Variants in PTPRR observed in about 807,000 individuals in gnomAD.
PTPRR encodes the protein receptor-type tyrosine-protein phosphatase R.
Under a neutral mutation model 77.2 loss-of-function variants are expected in PTPRR, and 38 were observed. That is an observed-to-expected ratio of 0.49 (90% confidence interval 0.38 to 0.65). PTPRR has a LOEUF of 0.65. PTPRR is among the 30% of genes least tolerant of loss of function. The pLI is 0.00. For missense variants in PTPRR, 744 were observed against 799.2 expected (o/e 0.93, Z 0.83); for synonymous variants, 299 against 283.1 (o/e 1.06, Z -0.57).
intron 4 of PTPRR, chr12:70,754,894 CAT>C (rs1173877748): frequency 1.8e-6 from 1 of 569,908 alleles, no homozygotes; most frequent in Non-Finnish European, 2.7e-6. Context: ...TAGAATATCA[CAT>C]ATTTTTCTAA....
chr12:70,682,034 CTTTTTTTTTTT>C (rs578204454), intron 10 of PTPRR, among the ~76,000 whole-genome samples: 2 of 62,722 alleles, frequency 3.2e-5, no homozygotes, highest in South Asian at 7.8e-4. Flanking sequence ...TTGTTGTTCA[CTTTTTTTTTTT>C]TTTTTTTTTT....
At chr12:70,643,666 G>C (rs1283207585) in intron 13 of PTPRR, among the ~76,000 whole-genome samples, 1 of 152,186 alleles carries the variant, frequency 6.6e-6, no homozygotes, top group Non-Finnish European at 1.5e-5. Context: ...TCTTAGGTCA[G>C]ATAGGTTTCA....
intron 2 of PTPRR, among the ~76,000 whole-genome samples, chr12:70,868,062 T>C (rs1892888488): frequency 6.6e-6 from 1 of 152,116 alleles, no homozygotes; most frequent in African/African-American, 2.4e-5. Flanking sequence ...ACTTACATGT[T>C]AGACCTAAAA....
intron 2 of PTPRR, among the ~76,000 whole-genome samples, chr12:70,790,855 AAAAAAC>A (rs1186422226): frequency 6.6e-6 from 1 of 152,152 alleles, no homozygotes; most frequent in Non-Finnish European, 1.5e-5. Flanking sequence ...AACAAGAGAC[AAAAAAC>A]AAAAACAAAA....
intron 2 of PTPRR, among the ~76,000 whole-genome samples, chr12:70,811,081 C>T (rs1238155814): frequency 1.3e-5 from 2 of 151,958 alleles, no homozygotes; most frequent in Admixed American, 1.3e-4. Flanking sequence ...TATAATAAAA[C>T]CTCACATCAA....
At chr12:70,661,961 G>T (rs1886813928) in intron 11 of PTPRR, among the ~76,000 whole-genome samples, 1 of 152,144 alleles carries the variant, frequency 6.6e-6, no homozygotes, top group Non-Finnish European at 1.5e-5. Flanking sequence ...CTCAGCATCT[G>T]CTGCCCATGA....
intron 10 of PTPRR, among the ~76,000 whole-genome samples, chr12:70,678,632 T>C (rs1887538849): frequency 6.6e-6 from 1 of 152,150 alleles, no homozygotes; most frequent in African/African-American, 2.4e-5. Flanking sequence ...TGATCTTTCT[T>C]ATTTACTTCC....
chr12:70,854,408 G>C (rs1892619647), intron 2 of PTPRR, among the ~76,000 whole-genome samples: 1 of 152,212 alleles, frequency 6.6e-6, no homozygotes, highest in African/African-American at 2.4e-5. Flanking sequence ...TCTATGCCAT[G>C]TGCCCTTTTC....
At chr12:70,663,775 T>G (rs1167963859) in intron 10 of PTPRR, among the ~76,000 whole-genome samples, 2 of 152,218 alleles carry the variant, frequency 1.3e-5, no homozygotes, top group Non-Finnish European at 2.9e-5. Flanking sequence ...GCACTTATTT[T>G]CTCCCAACCA....
At chr12:70,639,641 C>T in intron 13 of PTPRR, 2 of 318,706 alleles carry the variant, frequency 6.3e-6, no homozygotes, top group Non-Finnish European at 9.3e-6. Context: ...TGGACAAATT[C>T]CTCGAAACCC....
At chr12:70,660,007 C>T (rs188307335) in intron 12 of PTPRR, among the ~76,000 whole-genome samples, 206 of 151,596 alleles carry the variant, frequency 1.4e-3, no homozygotes, top group Admixed American at 2.7e-3. Flanking sequence ...GAAACCCCCG[C>T]CTCTACTAAA....
At chr12:70,747,859 T>G (rs568255614) in intron 5 of PTPRR, among the ~76,000 whole-genome samples, 1 of 152,026 alleles carries the variant, frequency 6.6e-6, no homozygotes, top group African/African-American at 2.4e-5. Context: ...ATGGAAAAAA[T>G]GGAAGAGATT....
intron 10 of PTPRR, among the ~76,000 whole-genome samples, chr12:70,670,168 G>C (rs1470898194): frequency 1.3e-5 from 2 of 152,184 alleles, no homozygotes; most frequent in African/African-American, 4.8e-5. Context: ...TGTAAATGTA[G>C]AGAAAGAGTA....
intron 2 of PTPRR, among the ~76,000 whole-genome samples, chr12:70,865,593 T>C (rs968489768): frequency 2.6e-5 from 4 of 152,126 alleles, no homozygotes; most frequent in Non-Finnish European, 5.9e-5. Flanking sequence ...AATCTTAGGA[T>C]GATACTGAAT....
chr12:70,709,587 G>A (rs1015145804), intron 6 of PTPRR, among the ~76,000 whole-genome samples: 4 of 152,118 alleles, frequency 2.6e-5, no homozygotes, highest in Non-Finnish European at 5.9e-5. Flanking sequence ...AGAAAACCCA[G>A]AGTTTCAGCC....
chr12:70,847,239 C>A (rs1892500458), intron 2 of PTPRR, among the ~76,000 whole-genome samples: 1 of 152,194 alleles, frequency 6.6e-6, no homozygotes, highest in Non-Finnish European at 1.5e-5. Context: ...AAATGTAGTG[C>A]ATGTAATGTG....
At chr12:70,913,503 A>G (rs1054811034) in intron 1 of PTPRR, among the ~76,000 whole-genome samples, 2 of 152,166 alleles carry the variant, frequency 1.3e-5, no homozygotes, top group Non-Finnish European at 2.9e-5. Context: ...GACAACTATC[A>G]TGCTATGTTG....
At chr12:70,887,450 CA>C in intron 2 of PTPRR, among the ~76,000 whole-genome samples, 1 of 151,184 alleles carries the variant, frequency 6.6e-6, no homozygotes, top group South Asian at 2.1e-4. Flanking sequence ...AGACTCTTTC[CA>C]AAAAAAAATT....
chr12:70,861,841 G>T (rs1892758427), intron 2 of PTPRR, among the ~76,000 whole-genome samples: 1 of 152,138 alleles, frequency 6.6e-6, no homozygotes, highest in South Asian at 2.1e-4. Flanking sequence ...GCCTTAATTG[G>T]CTACTACCTT....
Sources: allele counts gnomAD v4.1 joint callset (sites outside exome capture counted in the v4.1 genomes callset), GRCh38; gene constraint gnomAD v4.1.1; transcripts MANE v1.5; gene names NCBI Gene and HGNC (gene_info 2026-07-23, HGNC 2026-07-21).